Variants in KCNIP1 observed in about 807,000 individuals in gnomAD.
KCNIP1 encodes the protein A-type potassium channel modulatory protein KCNIP1.
Under a neutral mutation model 33.0 loss-of-function variants are expected in KCNIP1, and 18 were observed. The ratio of observed to expected loss-of-function variants is 0.55; its 90% confidence interval spans 0.38 to 0.81. The LOEUF is 0.81. KCNIP1 is among the 30% of genes least tolerant of loss of function. KCNIP1 has a pLI of 0.00. For missense variants in KCNIP1, 238 were observed against 271.6 expected, an observed-to-expected ratio of 0.88 and a Z score of 0.87; for synonymous variants, 93 against 98.3, an observed-to-expected ratio of 0.95 and a Z score of 0.32.
intron 1 of KCNIP1, among the ~76,000 whole-genome samples, chr5:170,445,145 ACTG>A (rs1317479553): frequency 1.7e-4 from 26 of 152,326 alleles, no homozygotes; most frequent in Admixed American, 1.6e-3. Flanking sequence ...CAGCTCTGTC[ACTG>A]CAGGCGGGAA....
At chr5:170,431,574 G>C (rs1755740875) in intron 1 of KCNIP1, among the ~76,000 whole-genome samples, 1 of 152,212 alleles carries the variant, frequency 6.6e-6, no homozygotes, top group Non-Finnish European at 1.5e-5. Context: ...ACTTCAAGCT[G>C]TCACCTGGTG....
chr5:170,592,504 T>C (rs1270097751), intron 1 of KCNIP1, among the ~76,000 whole-genome samples: 1 of 136,684 alleles, frequency 7.3e-6, no homozygotes, highest in African/African-American at 3.6e-5. Flanking sequence ...GAAACCTACA[T>C]TATTGCACCA....
intron 1 of KCNIP1, among the ~76,000 whole-genome samples, chr5:170,551,198 G>C (rs915768649): frequency 6.6e-6 from 1 of 152,228 alleles, no homozygotes; most frequent in African/African-American, 2.4e-5. Context: ...AATGGTGAGA[G>C]CCTCTCTGGG....
intron 1 of KCNIP1, among the ~76,000 whole-genome samples, chr5:170,440,134 C>CGT: frequency 1.3e-5 from 2 of 152,174 alleles, no homozygotes; most frequent in East Asian, 3.8e-4. Context: ...GGTAAGACCA[C>CGT]GTGAAGACAC....
intron 1 of KCNIP1, among the ~76,000 whole-genome samples, chr5:170,395,226 G>A (rs1754728635): frequency 6.6e-6 from 1 of 152,184 alleles, no homozygotes; most frequent in African/African-American, 2.4e-5. Flanking sequence ...CAGTGTAAAA[G>A]CATTCCCTTT....
At chr5:170,719,189 C>A (rs1010053787) in intron 2 of KCNIP1, among the ~76,000 whole-genome samples, 1 of 152,156 alleles carries the variant, frequency 6.6e-6, no homozygotes, top group African/African-American at 2.4e-5. Context: ...ACCTTCCAAC[C>A]TGGTGGTGCC....
At chr5:170,659,578 T>G (rs77062372) in intron 1 of KCNIP1, among the ~76,000 whole-genome samples, 8,351 of 152,260 alleles carry the variant, frequency 0.055, 303 homozygotes, top group Non-Finnish European at 0.081. Flanking sequence ...TCTCCTTCTT[T>G]GTATAGAGAG....
chr5:170,483,825 T>G (rs955991397), intron 1 of KCNIP1: 1 of 152,240 alleles, frequency 6.6e-6, no homozygotes, highest in African/African-American at 2.4e-5. Flanking sequence ...TCTACTGGCA[T>G]GCAAGACGCA....
At chr5:170,544,911 T>C (rs2113392047) in intron 1 of KCNIP1, among the ~76,000 whole-genome samples, 1 of 152,354 alleles carries the variant, frequency 6.6e-6, no homozygotes, top group South Asian at 2.1e-4. Flanking sequence ...GACATTATTG[T>C]CATTTTAAAC....
At chr5:170,562,055 C>T (rs1030652664) in intron 1 of KCNIP1, among the ~76,000 whole-genome samples, 2 of 152,178 alleles carry the variant, frequency 1.3e-5, no homozygotes, top group Middle Eastern at 3.2e-3. Context: ...GTCAGACCGT[C>T]GTAAGTCAGG....
chr5:170,613,173 T>A (rs145082723), intron 1 of KCNIP1, among the ~76,000 whole-genome samples: 76 of 152,338 alleles, frequency 5.0e-4, no homozygotes, highest in Non-Finnish European at 8.5e-4. Flanking sequence ...TCTCTCCATG[T>A]TTGGCCTTCT....
chr5:170,614,875 C>A (rs994185055), intron 1 of KCNIP1, among the ~76,000 whole-genome samples: 5 of 152,224 alleles, frequency 3.3e-5, no homozygotes, highest in African/African-American at 1.2e-4. Context: ...TTTACACCCC[C>A]TCTCAGTGCG....
At chr5:170,383,610 A>G (rs762489262) in intron 1 of KCNIP1, 55 of 1,550,170 alleles carry the variant, frequency 3.5e-5, no homozygotes, top group South Asian at 3.0e-4. Flanking sequence ...GGGGACAGGG[A>G]CAGTTAGGAA....
intron 1 of KCNIP1, among the ~76,000 whole-genome samples, chr5:170,638,444 G>A (rs1331606662): frequency 6.6e-6 from 1 of 152,120 alleles, no homozygotes; most frequent in Non-Finnish European, 1.5e-5. Flanking sequence ...CTTACCCAAG[G>A]TCACACAAGG....
intron 1 of KCNIP1, among the ~76,000 whole-genome samples, chr5:170,656,769 G>A (rs1269399469): frequency 6.6e-6 from 1 of 152,138 alleles, no homozygotes; most frequent in African/African-American, 2.4e-5. Context: ...GTTCCAGCCG[G>A]ACTGTGGAGC....
At chr5:170,435,894 C>A (rs909383916) in intron 1 of KCNIP1, among the ~76,000 whole-genome samples, 10 of 152,082 alleles carry the variant, frequency 6.6e-5, no homozygotes, top group African/African-American at 2.4e-4. Flanking sequence ...GGGAGGCCAC[C>A]ACTACCTGAG....
At chr5:170,604,431 G>T (rs1197160130) in intron 1 of KCNIP1, among the ~76,000 whole-genome samples, 1 of 152,168 alleles carries the variant, frequency 6.6e-6, no homozygotes, top group African/African-American at 2.4e-5. Context: ...ACAGAAGAAA[G>T]GAACAGCAGA....
At chr5:170,427,670 T>G (rs905511667) in intron 1 of KCNIP1, among the ~76,000 whole-genome samples, 1 of 152,224 alleles carries the variant, frequency 6.6e-6, no homozygotes, top group Non-Finnish European at 1.5e-5. Flanking sequence ...CTTGCCGGCC[T>G]GCTGCTGGGC....
At chr5:170,443,274 C>T (rs1756034825) in intron 1 of KCNIP1, among the ~76,000 whole-genome samples, 1 of 145,564 alleles carries the variant, frequency 6.9e-6, no homozygotes, top group Non-Finnish European at 1.5e-5. Context: ...CTGAGAGAGG[C>T]AACCCTACTG....
Sources: gnomAD v4.1 joint callset for allele counts (sites outside exome capture counted in the v4.1 genomes callset) on GRCh38, gnomAD v4.1.1 for gene constraint, MANE v1.5 for transcripts, NCBI Gene and HGNC (gene_info 2026-07-23, HGNC 2026-07-21) for gene names.